Variants in NF1 observed in about 807,000 individuals in gnomAD.
NF1 encodes the protein neurofibromin.
In NF1, 122 loss-of-function variants were observed where a neutral mutation model predicts 325.7. The observed-to-expected ratio is 0.37, with a 90% CI of 0.32 to 0.44. NF1 has a LOEUF of 0.44. Ranked by LOEUF, NF1 falls within the 20% of genes least tolerant of loss-of-function variation. The pLI is 1.00. For synonymous variants in NF1, 1,091 were observed against 1,186.0 expected (o/e 0.92, Z 1.65); for missense variants, 2,140 against 3,415.4 (o/e 0.63, Z 9.31).
chr17:31,184,420 C>A (rs372589474), intron 8 of NF1, among the ~76,000 whole-genome samples: 1 of 151,902 alleles, frequency 6.6e-6, no homozygotes, highest in Admixed American at 6.5e-5. Flanking sequence ...GAGGCCGAGG[C>A]GGGCGGATCA....
rs145077494 is a variant in NF1 at position 31,149,443 on chromosome 17, C to T, written c.61-6540C>T. 6.7e-3 allele frequency among the ~76,000 whole-genome samples: 1,020 copies of T among 152,180 alleles called. 17 individuals carry two copies. The highest frequency in any genetic ancestry group is 0.023 in the African/African-American group (956 of 41,502). ...CCTCCCAAGTAGCTGGGATTATAGG[C>T]ACGCGCCACCATGGTCAACTAATTT... On this transcript the variant is annotated intron_variant, in intron 1 of 57. Coordinates refer to ENST00000358273, the MANE Select transcript of NF1 (RefSeq NM_001042492.3).
intron 39 of NF1, among the ~76,000 whole-genome samples, chr17:31,333,546 C>T (rs1204996322): frequency 3.3e-5 from 5 of 152,032 alleles, no homozygotes; most frequent in African/African-American, 1.2e-4. Context: ...TTTATTTTGC[C>T]TACTTTAGAA....
chr17:31,261,696 G>GT lies in NF1; in HGVS notation c.4578-12dup, dbSNP rs1597748630. On this transcript the variant is annotated splice_polypyrimidine_tract_variant and intron_variant, in intron 34 of 57. Coordinates refer to ENST00000358273, the MANE Select transcript of NF1 (RefSeq NM_001042492.3). ...GAACTGCTAATTTTTTTTCTAAGTA[G>GT]TTTGCTGTATCTAGGGATCATAAAG... 1.2e-6 allele frequency: 2 copies of GT among 1,611,900 alleles called. No homozygotes were observed. The highest frequency in any genetic ancestry group is 1.7e-6 in the Non-Finnish European group (2 of 1,179,832).
At chr17:31,099,026 GC>G (rs1407051700) in intron 1 of NF1, among the ~76,000 whole-genome samples, 1 of 151,938 alleles carries the variant, frequency 6.6e-6, no homozygotes, top group African/African-American at 2.4e-5. Context: ...GCTTTACTGG[GC>G]CCAGGGGGAG....
rs761125983 is a variant in NF1, at chr17:31,338,763, T to C, written c.6879T>C (p.Ala2293=). Residue 2293 remains alanine, a synonymous_variant, in exon 46 of 58, where the codon GCT becomes GCC. Transcript: ENST00000358273. The part of the protein sequence containing the change: ...DTYNSQVLIE[A]TVIALTKLQP... ...ACAACAGTCAAGTTCTGATAGAAGC[T>C]ACAGTAATAGCACTAACCAAATTAC... 8.7e-6 allele frequency: 14 copies of C among 1,613,376 alleles called. No individual in the cohort carries two copies. The highest frequency in any genetic ancestry group is 1.2e-5 in the Non-Finnish European group (14 of 1,179,490).
At chr17:31,239,814 A>G (rs2067264039) in intron 29 of NF1, among the ~76,000 whole-genome samples, 1 of 152,020 alleles carries the variant, frequency 6.6e-6, no homozygotes, top group Admixed American at 6.6e-5. Flanking sequence ...CCAGGCTGGA[A>G]TGCAGTGGTG....
intron 5 of NF1, among the ~76,000 whole-genome samples, chr17:31,177,752 G>A (rs1223938064): frequency 6.6e-6 from 1 of 151,748 alleles, no homozygotes; most frequent in East Asian, 1.9e-4. Flanking sequence ...AATCAATCAA[G>A]CAGAAGAAAG....
At chr17:31,304,885 G>T (rs2068667786) in intron 36 of NF1, 1 of 1,614,100 alleles carries the variant, frequency 6.2e-7, no homozygotes, top group Admixed American at 1.7e-5. Context: ...AGCAAATGGA[G>T]ATCTACCTGC....
rs1180864399 is a variant in NF1, at chr17:31,232,110, C to G, written c.3235C>G (p.Leu1079Val). 1 of 1,332,878 alleles carries G rather than the reference C, an allele frequency of 7.5e-7. No individual in the cohort carries two copies. Among genetic ancestry groups the G allele is most frequent in the Non-Finnish European group, 1.0e-6 (1 of 978,004 alleles). The allele number at this position is 1,332,878 out of a possible 1,614,324, so 82.6% of individuals were successfully genotyped here. ...DQASMEAVVS[L>V]LAGLPLQPEE... The stretch of plus-strand genomic sequence containing the variant: ...GGCAAGCATGGAAGCAGTAGTTTCA[C>G]TTCTAGCTGGTCTCCCTCTGCAGCC... The change falls in exon 25 of 58, where the codon CTT (leucine) becomes GTT (valine). Residue 1079 changes from leucine to valine, a missense_variant. By Grantham distance (32) the Leu-to-Val change is conservative. This residue lies in a region of NF1 where 380 missense variants were observed against 639.3 expected (regional missense o/e 0.59). Coordinates refer to ENST00000358273, the MANE Select transcript of NF1 (RefSeq NM_001042492.3).
At chr17:31,242,105 A>G (rs1239968856) in intron 29 of NF1, among the ~76,000 whole-genome samples, 2 of 151,398 alleles carry the variant, frequency 1.3e-5, no homozygotes, top group Non-Finnish European at 2.9e-5. Context: ...GTCTGGGGCC[A>G]GACATATTGG....
In NF1 at chr17:31,336,565, A is replaced by G; in HGVS notation, c.6148-70A>G. The G allele has an allele frequency of 1.3e-6, 2 of 1,586,078 alleles. No individual in the cohort carries two copies. The highest frequency in any genetic ancestry group is 1.7e-6 in the Non-Finnish European group (2 of 1,164,826). On this transcript the variant is annotated intron_variant, in intron 41 of 57. Transcript: ENST00000358273. The surrounding 1 kb of genome is among the most constrained non-coding windows in gnomAD (Gnocchi z 5.5). The stretch of plus-strand genomic sequence containing the variant: ...TTGTAATTACTTTTAAATTAAACTG[A>G]ACTTTTTTGTGCTAAAACTTTGAGT...
At chr17:31,301,425 G>A (rs1247512760) in intron 36 of NF1, among the ~76,000 whole-genome samples, 1 of 151,872 alleles carries the variant, frequency 6.6e-6, no homozygotes, top group Non-Finnish European at 1.5e-5. Context: ...TTTATTTCTG[G>A]ACTTTTTCTT....
rs2070745993 is a variant in NF1 at position 31,377,321 on chromosome 17, A to G, written c.*3166A>G. ...AGCAGTTAGTTGCTGCACATGGATA[A>G]CAACAAAAATTTGATTATTCTCGTG... On this transcript the variant is annotated 3_prime_UTR_variant, in exon 58 of 58. Coordinates refer to ENST00000358273, the MANE Select transcript of NF1 (RefSeq NM_001042492.3). 4.3e-6 allele frequency: 1 copy of G among 233,390 alleles called. No individual in the cohort carries two copies. The highest frequency in any genetic ancestry group is 8.5e-6 in the Non-Finnish European group (1 of 117,956). 14.5% of individuals were successfully genotyped at this position (233,390 alleles called of 1,614,324 possible).
At chr17:31,304,869 T>C in intron 36 of NF1, 1 of 1,614,036 alleles carries the variant, frequency 6.2e-7, no homozygotes, top group South Asian at 1.1e-5. Flanking sequence ...CAGGGGTTTC[T>C]CCATCAGCAA....
intron 27 of NF1, among the ~76,000 whole-genome samples, chr17:31,233,634 G>T (rs2067152445): frequency 1.3e-5 from 2 of 152,126 alleles, no homozygotes; most frequent in South Asian, 4.1e-4. Context: ...ATTTGCATTT[G>T]ATATTATGAT....
intron 36 of NF1, among the ~76,000 whole-genome samples, chr17:31,302,570 G>A (rs577907552): frequency 6.4e-4 from 97 of 152,218 alleles, no homozygotes; most frequent in African/African-American, 2.2e-3. Context: ...GGCCGGGCAC[G>A]GTGGCTCACG....
At chr17:31,369,918 C>T (rs1024404650) in intron 57 of NF1, among the ~76,000 whole-genome samples, 13 of 152,014 alleles carry the variant, frequency 8.6e-5, no homozygotes, top group Non-Finnish European at 1.9e-4. Context: ...AACTTAAATG[C>T]CAGAACTAGA....
chr17:31,351,235 A>G (rs1181475854), intron 50 of NF1, among the ~76,000 whole-genome samples: 1 of 152,008 alleles, frequency 6.6e-6, no homozygotes, highest in Non-Finnish European at 1.5e-5. Flanking sequence ...AAAAAAAATC[A>G]GTGCAATAAG....
chr17:31,125,337 G>C (rs1914788650), intron 1 of NF1, among the ~76,000 whole-genome samples: 1 of 150,552 alleles, frequency 6.6e-6, no homozygotes, highest in Admixed American at 6.6e-5. Flanking sequence ...TATATATCTG[G>C]GCTATTGATG....
Sources: gnomAD v4.1 joint callset for allele counts (sites outside exome capture counted in the v4.1 genomes callset) on GRCh38, gnomAD v4.1.1 for gene constraint, gnomAD v4.1.1 regional missense constraint, Gnocchi (gnomAD v3.1) non-coding constraint, MANE v1.5 for transcripts, NCBI Gene and HGNC (gene_info 2026-07-23, HGNC 2026-07-21) for gene names.